Variants in PSEN1 observed in about 807,000 individuals in gnomAD.
The protein encoded by PSEN1 is presenilin 1.
A neutral mutation model predicts 53.5 loss-of-function variants in PSEN1; 15 were observed. The observed-to-expected ratio is 0.28, with a 90% CI of 0.19 to 0.43. PSEN1 has a LOEUF of 0.43. PSEN1 is among the 20% of genes least tolerant of loss of function. The pLI is 1.00. For missense variants in PSEN1, 387 were observed against 571.2 expected, an observed-to-expected ratio of 0.68 and a Z score of 3.29; for synonymous variants, 208 against 209.8, an observed-to-expected ratio of 0.99 and a Z score of 0.08.
At chr14:73,138,421 G>T (rs1278218145) in intron 1 of PSEN1, among the ~76,000 whole-genome samples, 1 of 150,852 alleles carries the variant, frequency 6.6e-6, no homozygotes, top group African/African-American at 2.4e-5. Flanking sequence ...GGGTTTCACC[G>T]TGTTAGCCAG....
chr14:73,144,035 C>CTTTTTTT (rs766901431), intron 1 of PSEN1, among the ~76,000 whole-genome samples: 2 of 59,484 alleles, frequency 3.4e-5, no homozygotes, highest in Non-Finnish European at 5.8e-5. Flanking sequence ...TATAGCTTAT[C>CTTTTTTT]TTTTTTTTTT....
intron 8 of PSEN1, among the ~76,000 whole-genome samples, chr14:73,201,103 G>C (rs1899165639): frequency 6.6e-6 from 1 of 151,944 alleles, no homozygotes; most frequent in Non-Finnish European, 1.5e-5. Flanking sequence ...TTGTTTGTTT[G>C]TTTGTGGCAG....
chr14:73,205,478 CAAAAAAAAAAAAA>C (rs34992040), intron 8 of PSEN1, among the ~76,000 whole-genome samples: 1 of 64,678 alleles, frequency 1.5e-5, no homozygotes, highest in Non-Finnish European at 3.3e-5. Context: ...GACTCTGTCT[CAAAAAAAAAAAAA>C]AAAAAAAAAA....
intron 3 of PSEN1, among the ~76,000 whole-genome samples, chr14:73,158,030 C>T (rs1393109379): frequency 6.6e-6 from 1 of 151,298 alleles, no homozygotes; most frequent in Non-Finnish European, 1.5e-5. Context: ...TTCTTTCTTT[C>T]AGCATAATTA....
chr14:73,183,998 C>T (rs1390709769), intron 5 of PSEN1, among the ~76,000 whole-genome samples: 4 of 131,238 alleles, frequency 3.0e-5, no homozygotes, highest in Admixed American at 7.2e-5. Context: ...CCAGTAGGAG[C>T]GGCCGGGCAG....
Position 73,206,422 on chromosome 14 carries a change from A to G in PSEN1, c.905A>G (p.Asp302Gly). 6.2e-7 allele frequency: 1 copy of G among 1,614,122 alleles called. No individual in the cohort carries two copies. The highest frequency in any genetic ancestry group is 8.5e-7 in the Non-Finnish European group (1 of 1,179,990). Residue 302 changes from aspartate (D) to glycine (G), a missense_variant, in exon 9 of 12, where the codon GAC (aspartate) becomes GGC (glycine). Around this residue, in one of 4 missense-constraint regions of PSEN1, gnomAD observed 169 missense variants for 299.7 expected, o/e 0.56. Transcript: ENST00000324501. ...TGGTTGGTGAATATGGCAGAAGGAGACCCGGAAGCTCAAAGGAGAGTATCC... is the reference window on the plus strand; with the variant it reads ...TGGTTGGTGAATATGGCAGAAGGAGGCCCGGAAGCTCAAAGGAGAGTATCC... ...MVWLVNMAEG[D>G]PEAQRRVSKN... is the part of the protein sequence containing the mutation.
At position 73,153,497 on chromosome 14, in the gene PSEN1, A is replaced by C. The variant is rs1290148521; in HGVS notation, c.87+5391A>C. ...GCTTGGTCAGATGCTGAATGGAATT[A>C]TGTGTGTTGTTGGAAGCATGTTCCC... On this transcript the variant is annotated intron_variant, in intron 3 of 11. Transcript: ENST00000324501. Among the ~76,000 whole-genome samples the C allele has an allele frequency of 5.9e-5, 9 of 152,122 alleles. No homozygotes were observed. The South Asian group carries it at 1.7e-3, about 28-fold the overall frequency.
intron 6 of PSEN1, chr14:73,190,076 AG>A: frequency 6.6e-6 from 1 of 152,496 alleles, no homozygotes; most frequent in East Asian, 1.9e-4. Flanking sequence ...GGCTGTGCAG[AG>A]GAAGGCAGGG....
intron 3 of PSEN1, among the ~76,000 whole-genome samples, chr14:73,149,264 C>T (rs981331545): frequency 3.3e-5 from 5 of 151,256 alleles, no homozygotes; most frequent in East Asian, 1.9e-4. Flanking sequence ...GGCTGAGGTA[C>T]GAGGATTGCT....
At chr14:73,183,930 A>AC (rs1304523523) in intron 5 of PSEN1, among the ~76,000 whole-genome samples, 33 of 139,732 alleles carry the variant, frequency 2.4e-4, no homozygotes, top group East Asian at 1.7e-3. Context: ...CGGGGGGCTG[A>AC]CCCCCCCACC....
At chr14:73,173,862 T>G in intron 5 of PSEN1, 155 bp downstream of exon 5, 1 of 943,910 alleles carries the variant, frequency 1.1e-6, no homozygotes, top group Non-Finnish European at 1.7e-6. Context: ...TGTGGAACAT[T>G]CAAAAAATAC....
intron 3 of PSEN1, among the ~76,000 whole-genome samples, chr14:73,153,743 C>A (rs1897286098): frequency 7.0e-6 from 1 of 143,252 alleles, no homozygotes; most frequent in African/African-American, 2.6e-5. Flanking sequence ...AACGGAGCCT[C>A]CCTCTGTCGC....
At chr14:73,217,380 G>T (rs907545030) in intron 11 of PSEN1, 136 bp downstream of exon 11, 10 of 974,308 alleles carry the variant, frequency 1.0e-5, no homozygotes, top group Non-Finnish European at 1.4e-5. Flanking sequence ...TTGATAATTG[G>T]ACCTCACCTT....
At chr14:73,143,617 G>C (rs1896986880) in intron 1 of PSEN1, among the ~76,000 whole-genome samples, 1 of 152,126 alleles carries the variant, frequency 6.6e-6, no homozygotes, top group South Asian at 2.1e-4. Flanking sequence ...TATGGGATTT[G>C]TCTGAGAAAG....
chr14:73,174,079 T>C (rs1305350391), intron 5 of PSEN1: 2 of 308,092 alleles, frequency 6.5e-6, no homozygotes, highest in East Asian at 1.2e-4. Flanking sequence ...ATATTATGAT[T>C]AGTTATCAAG....
chr14:73,173,365 A>G (rs1332793950), intron 4 of PSEN1, among the ~76,000 whole-genome samples: 2 of 152,234 alleles, frequency 1.3e-5, no homozygotes, highest in Non-Finnish European at 2.9e-5. Flanking sequence ...TCCATATGTT[A>G]GACATTTTCT....
At chr14:73,197,833 C>A in intron 7 of PSEN1, 198 bp from the exon 8 acceptor site, 1 of 578,978 alleles carries the variant, frequency 1.7e-6, no homozygotes, top group Non-Finnish European at 3.1e-6. Context: ...TGTTCTGTGT[C>A]ATTTTATTTT....
chr14:73,170,282 A>C (rs1897847252), intron 3 of PSEN1, among the ~76,000 whole-genome samples: 1 of 152,146 alleles, frequency 6.6e-6, no homozygotes, highest in African/African-American at 2.4e-5. Context: ...CCCGTAACTA[A>C]GAGTACCTAA....
intron 1 of PSEN1, chr14:73,147,412 T>C (rs1897102747): frequency 6.4e-6 from 1 of 157,226 alleles, no homozygotes; most frequent in Non-Finnish European, 1.4e-5. Context: ...GGCATTGTGA[T>C]AAGGATAAGA....
Sources: allele counts gnomAD v4.1 joint callset (sites outside exome capture counted in the v4.1 genomes callset), GRCh38; gene constraint gnomAD v4.1.1; regional missense constraint gnomAD v4.1.1; transcripts MANE v1.5; gene names NCBI Gene and HGNC (gene_info 2026-07-23, HGNC 2026-07-21).